The following VMA22 variants were observed in gnomAD, a reference collection of about 807,000 sequenced individuals.
The protein encoded by VMA22 is vacuolar ATPase assembly factor VMA22, also known as vacuolar ATPase assembly protein VMA22.
the VMA22 span, chr2:130,339,218 C>T: frequency 2.0e-5 from 33 of 1,613,868 alleles, no homozygotes; most frequent in African/African-American, 2.3e-4. Context: ...GCTATGTCTG[C>T]GGCCAGCTGC....
chr2:130,342,584 A>C, the VMA22 span: 1 of 457,932 alleles, frequency 2.2e-6, no homozygotes, highest in Non-Finnish European at 3.9e-6. Context: ...GCTAATTATG[A>C]TTGTTTTAGC....
At chr2:130,342,341 C>T in the VMA22 span, 1 of 822,108 alleles carries the variant, frequency 1.2e-6, no homozygotes. Flanking sequence ...CTCCAATTAG[C>T]CCCCAAGTGG....
At chr2:130,340,288 C>G in the VMA22 span, 18 of 168,562 alleles carry the variant, frequency 1.1e-4, no homozygotes, top group East Asian at 2.0e-3. Flanking sequence ...TACTTCCTCC[C>G]TCTGCTCTGT....
chr2:130,340,975 G>T, the VMA22 span: 1 of 1,613,758 alleles, frequency 6.2e-7, no homozygotes, highest in South Asian at 1.1e-5. Flanking sequence ...AGTTCAGGGG[G>T]TCCTGAGGGG....
At chr2:130,342,634 G>C in the VMA22 span, 386 of 478,710 alleles carry the variant, frequency 8.1e-4, no homozygotes, top group African/African-American at 6.9e-3. Flanking sequence ...CGGCGGTGGT[G>C]GGGGGAGGAC....
At chr2:130,341,360 T>A in the VMA22 span, 1 of 541,746 alleles carries the variant, frequency 1.8e-6, no homozygotes, top group East Asian at 3.2e-5. Context: ...CCATTCTTTG[T>A]CTCAGGATGA....
chr2:130,338,965 C>T, the VMA22 span: 1 of 619,210 alleles, frequency 1.6e-6, no homozygotes, highest in Non-Finnish European at 2.8e-6. Context: ...AACTTCACAC[C>T]TAAGGAAAAT....
chr2:130,338,789 C>T, the VMA22 span: 6 of 274,070 alleles, frequency 2.2e-5, no homozygotes, highest in Non-Finnish European at 3.5e-5. Context: ...CATCTCTCTT[C>T]GCACAGTGTT....
At chr2:130,338,764 C>T in the VMA22 span, 1 of 218,502 alleles carries the variant, frequency 4.6e-6, no homozygotes, top group African/African-American at 2.3e-5. Context: ...GCATGAAGCG[C>T]TACTTCCTGG....
the VMA22 span, chr2:130,341,028 G>A: frequency 8.7e-6 from 14 of 1,609,286 alleles, no homozygotes; most frequent in Admixed American, 6.7e-5. Context: ...GGGCCCTTGC[G>A]CCTCCGCAGA....
the VMA22 span, chr2:130,340,939 A>C: frequency 6.2e-7 from 1 of 1,614,066 alleles, no homozygotes; most frequent in Non-Finnish European, 8.5e-7. Flanking sequence ...CCTGACGTAG[A>C]CTGTGAGGAA....
the VMA22 span, chr2:130,342,147 G>A: frequency 6.2e-7 from 1 of 1,612,454 alleles, no homozygotes; most frequent in Non-Finnish European, 8.5e-7. Context: ...CAGATCTGGA[G>A]CCACCTTCTT....
chr2:130,339,071 C>G, the VMA22 span: 2 of 1,414,138 alleles, frequency 1.4e-6, no homozygotes, highest in Non-Finnish European at 2.0e-6. Flanking sequence ...GATCACGTAG[C>G]CATGTCGGAG....
chr2:130,342,100 T>C, the VMA22 span: 7 of 1,613,438 alleles, frequency 4.3e-6, no homozygotes, highest in Non-Finnish European at 5.9e-6. Flanking sequence ...CGAATCCAGC[T>C]CCGCTCGCAG....
chr2:130,341,923 C>A, the VMA22 span: 3 of 1,613,410 alleles, frequency 1.9e-6, no homozygotes, highest in African/African-American at 4.0e-5. Context: ...GCGTAGCGAG[C>A]CTTGGCGAGC....
the VMA22 span, chr2:130,342,140 A>G: frequency 6.2e-7 from 1 of 1,612,952 alleles, no homozygotes; most frequent in Non-Finnish European, 8.5e-7. Context: ...ACACCTCCAG[A>G]TCTGGAGCCA....
At chr2:130,342,270 A>G in the VMA22 span, 1 of 1,494,278 alleles carries the variant, frequency 6.7e-7, no homozygotes, top group Non-Finnish European at 9.0e-7. Flanking sequence ...CCTCTGGGTC[A>G]GCTTCTTTAA....
At chr2:130,339,406 C>T in the VMA22 span, among the ~76,000 whole-genome samples, 7 of 152,164 alleles carry the variant, frequency 4.6e-5, no homozygotes, top group East Asian at 1.2e-3. Context: ...TGAGGCCTTA[C>T]ACCTCCTTCA....
chr2:130,340,071 C>T, the VMA22 span: 1 of 208,838 alleles, frequency 4.8e-6, no homozygotes, highest in Non-Finnish European at 1.0e-5. Flanking sequence ...TCTCAGCTGC[C>T]CACAGCAGGT....
Sources: gnomAD v4.1 joint callset for allele counts (sites outside exome capture counted in the v4.1 genomes callset) on GRCh38, gnomAD v4.1.1 for gene constraint, MANE v1.5 for transcripts, NCBI Gene and HGNC (gene_info 2026-07-23, HGNC 2026-07-21) for gene names.